The following CUL3 variants were observed in gnomAD, a reference collection of about 807,000 sequenced individuals.
CUL3 encodes the protein cullin 3.
Under a neutral mutation model 89.1 loss-of-function variants are expected in CUL3, and 19 were observed. The ratio of observed to expected loss-of-function variants is 0.21; its 90% CI spans 0.15 to 0.31. The LOEUF (loss-of-function observed/expected upper bound fraction) is 0.31, where lower values mean the gene tolerates loss of function less well. CUL3 is among the 10% of genes least tolerant of loss of function. The pLI, the probability that CUL3 is intolerant of heterozygous loss-of-function variation, is 1.00. For synonymous variants in CUL3, 351 were observed against 308.4 expected (o/e 1.14, Z -1.45); for missense variants, 469 against 942.3 (o/e 0.50, Z 6.58).
intron 3 of CUL3, among the ~76,000 whole-genome samples, chr2:224,519,065 CA>C (rs1693169620): frequency 6.6e-6 from 1 of 152,120 alleles, no homozygotes; most frequent in African/African-American, 2.4e-5. Flanking sequence ...TGGAGCACCC[CA>C]ATCCAAAAAT....
intron 13 of CUL3, among the ~76,000 whole-genome samples, chr2:224,483,749 C>T (rs1293352706): frequency 6.6e-6 from 1 of 152,128 alleles, no homozygotes; most frequent in Admixed American, 6.5e-5. Flanking sequence ...ACAAGGAATT[C>T]CATAGTACTG....
rs933292242 is a variant in CUL3 at position 224,470,367 on chromosome 2, T to C, written c.*3878A>G. ...TTAGACCCTAAAACTGAGCATCAAA[T>C]TACTTAAATGACACGCTTACAAATT... On this transcript the variant is annotated 3_prime_UTR_variant, in exon 16 of 16. Coordinates refer to ENST00000264414, the MANE Select transcript of CUL3 (RefSeq NM_003590.5). 2 of 229,032 alleles carry C rather than the reference T, an allele frequency of 8.7e-6. No individual in the cohort carries two copies. The highest frequency in any genetic ancestry group is 4.4e-5 in the African/African-American group (2 of 45,106). 14.2% of individuals were successfully genotyped at this position (229,032 alleles called of 1,614,324 possible). A position where few individuals can be genotyped will look rare whatever the true frequency, so the allele number is the denominator to read the frequency against.
At chr2:224,579,885 T>C (rs1182588349) in intron 1 of CUL3, among the ~76,000 whole-genome samples, 2 of 152,198 alleles carry the variant, frequency 1.3e-5, no homozygotes, top group Non-Finnish European at 1.5e-5. Flanking sequence ...CATTCAAACG[T>C]ATCCTCTCCA....
chr2:224,531,435 T>TA (rs56899563), intron 3 of CUL3, among the ~76,000 whole-genome samples: 42,588 of 148,086 alleles, frequency 0.29, 6,258 homozygotes, highest in Middle Eastern at 0.38. Context: ...GTAGTTTATT[T>TA]AAAAAAAAAA....
intron 15 of CUL3, 140 bp downstream of exon 15, chr2:224,478,056 CAAGT>C: frequency 1.4e-6 from 1 of 714,878 alleles, no homozygotes; most frequent in Non-Finnish European, 2.1e-6. Context: ...GTTTAGTTAC[CAAGT>C]GAGTGCCATA....
chr2:224,507,452 T>C (rs868565381), intron 6 of CUL3, among the ~76,000 whole-genome samples: 1 of 152,158 alleles, frequency 6.6e-6, no homozygotes, highest in African/African-American at 2.4e-5. Context: ...AGGAAGAAAT[T>C]TTAAAGCCAG....
Position 224,513,620 on chromosome 2 carries a change from A to G in CUL3, c.558T>C (p.Ala186=). The change falls in exon 5 of 16, where the codon GCT becomes GCC. Residue 186 remains alanine (A), a synonymous_variant. Transcript: ENST00000264414. ...GACCTAAAATCATTAACATCTGGCA[A>G]GCATTTCTTATTGCGCCTCTGTCGA... ...EVVDRGAIRN[A]CQMLMILGLE... is the part of the protein sequence containing the mutation. The G allele has an allele frequency of 4.4e-6, 7 of 1,593,038 alleles. No homozygotes were observed. Among genetic ancestry groups the G allele is most frequent in the Non-Finnish European group, 4.3e-6 (5 of 1,174,416 alleles).
intron 2 of CUL3, among the ~76,000 whole-genome samples, chr2:224,548,406 A>C (rs935047146): frequency 6.6e-6 from 1 of 152,236 alleles, no homozygotes; most frequent in African/African-American, 2.4e-5. Context: ...GGACATACGG[A>C]TAGAAAAACT....
At chr2:224,515,765 G>A (rs570472985) in intron 3 of CUL3, among the ~76,000 whole-genome samples, 15 of 151,308 alleles carry the variant, frequency 9.9e-5, no homozygotes, top group South Asian at 2.1e-4. Flanking sequence ...GTGCCATCTC[G>A]GCTCACTGCA....
intron 13 of CUL3, among the ~76,000 whole-genome samples, chr2:224,492,393 TGTTAA>T (rs1383695016): frequency 3.9e-5 from 6 of 151,932 alleles, no homozygotes; most frequent in Non-Finnish European, 8.8e-5. Flanking sequence ...CAAATACTAC[TGTTAA>T]GTTTTCTATT....
At chr2:224,499,553 C>G (rs1420215065) in intron 11 of CUL3, 1 of 222,144 alleles carries the variant, frequency 4.5e-6, no homozygotes, top group Non-Finnish European at 1.0e-5. Context: ...GTCTCTGATC[C>G]CAGCAGCAAG....
At chr2:224,571,567 T>C (rs898312894) in intron 1 of CUL3, among the ~76,000 whole-genome samples, 7 of 152,138 alleles carry the variant, frequency 4.6e-5, no homozygotes, top group Non-Finnish European at 1.0e-4. Flanking sequence ...TCAAATAAGA[T>C]ATGACAGCAA....
chr2:224,504,532 C>T (rs899157170), intron 8 of CUL3, among the ~76,000 whole-genome samples: 1 of 152,210 alleles, frequency 6.6e-6, no homozygotes, highest in African/African-American at 2.4e-5. Context: ...TGGTCTTGAA[C>T]TCCCAACCTC....
chr2:224,578,847 A>T (rs1029523669), intron 1 of CUL3, among the ~76,000 whole-genome samples: 1 of 152,142 alleles, frequency 6.6e-6, no homozygotes, highest in South Asian at 2.1e-4. Context: ...AAGTCCCCCA[A>T]TGTATAATAT....
intron 1 of CUL3, among the ~76,000 whole-genome samples, chr2:224,567,186 C>T (rs375072829): frequency 7.2e-5 from 11 of 152,208 alleles, no homozygotes; most frequent in African/African-American, 2.4e-4. Context: ...ACTGCTCACA[C>T]GAAGATGATT....
At chr2:224,559,378 C>T (rs1045978407) in intron 1 of CUL3, among the ~76,000 whole-genome samples, 6 of 146,870 alleles carry the variant, frequency 4.1e-5, no homozygotes, top group Admixed American at 7.0e-5. Context: ...CACTTGAGCC[C>T]GGAGGCAGAG....
chr2:224,520,910 G>A (rs563225513), intron 3 of CUL3, among the ~76,000 whole-genome samples: 16 of 152,308 alleles, frequency 1.1e-4, no homozygotes, highest in East Asian at 3.9e-4. Flanking sequence ...GCTCAAAGGT[G>A]TCAAGACACA....
At chr2:224,515,382 C>A (rs935003150) in intron 3 of CUL3, among the ~76,000 whole-genome samples, 2 of 152,194 alleles carry the variant, frequency 1.3e-5, no homozygotes, top group Non-Finnish European at 2.9e-5. Context: ...GTTGTGCATT[C>A]CTTGAAAATC....
chr2:224,487,394 C>T (rs548626721), intron 13 of CUL3, among the ~76,000 whole-genome samples: 4 of 134,802 alleles, frequency 3.0e-5, no homozygotes, highest in South Asian at 4.6e-4. Flanking sequence ...AAGGCACACA[C>T]AGGCTCAAAA....
Sources: gnomAD v4.1 joint callset for allele counts (sites outside exome capture counted in the v4.1 genomes callset) on GRCh38, gnomAD v4.1.1 for gene constraint, MANE v1.5 for transcripts, NCBI Gene and HGNC (gene_info 2026-07-23, HGNC 2026-07-21) for gene names.